Variants in EYA4 observed in about 807,000 individuals in gnomAD.
EYA4 encodes the protein EYA transcriptional coactivator and phosphatase 4.
In EYA4, 31 loss-of-function variants were observed where a neutral mutation model predicts 87.9. The observed-to-expected ratio is 0.35, with a 90% CI of 0.27 to 0.48. The LOEUF (loss-of-function observed/expected upper bound fraction) is 0.48, where lower values mean the gene tolerates loss of function less well. Ranked by LOEUF, EYA4 falls within the 20% of genes least tolerant of loss-of-function variation. The pLI is 0.99. For synonymous variants in EYA4, 263 were observed against 270.6 expected, an observed-to-expected ratio of 0.97 and a Z score of 0.28; for missense variants, 678 against 761.4, an observed-to-expected ratio of 0.89 and a Z score of 1.29.
chr6:133,388,881 T>A (rs968283995), intron 3 of EYA4, among the ~76,000 whole-genome samples: 1 of 152,188 alleles, frequency 6.6e-6, no homozygotes, highest in African/African-American at 2.4e-5. Flanking sequence ...TCATGTATAA[T>A]CTCTGTTTAC....
At chr6:133,327,647 A>G (rs979203981) in intron 2 of EYA4, among the ~76,000 whole-genome samples, 58 of 152,346 alleles carry the variant, frequency 3.8e-4, no homozygotes, top group African/African-American at 1.4e-3. Context: ...GTCTTTTACC[A>G]TCCTAGAGTC....
At chr6:133,346,101 G>A (rs183634184) in intron 2 of EYA4, among the ~76,000 whole-genome samples, 1 of 152,320 alleles carries the variant, frequency 6.6e-6, no homozygotes, top group Admixed American at 6.5e-5. Flanking sequence ...TAGGGATCCT[G>A]AAGGAAAACT....
intron 1 of EYA4, among the ~76,000 whole-genome samples, chr6:133,272,280 C>T (rs373289366): frequency 1.0e-3 from 153 of 152,274 alleles, no homozygotes; most frequent in African/African-American, 3.2e-3. Flanking sequence ...AGGGAACTCC[C>T]GATGAGGGCA....
At chr6:133,370,663 C>T (rs964225137) in intron 2 of EYA4, among the ~76,000 whole-genome samples, 4 of 152,086 alleles carry the variant, frequency 2.6e-5, no homozygotes, top group African/African-American at 9.7e-5. Context: ...TTTGTTTTCC[C>T]CTAATAGTAC....
At chr6:133,404,513 T>A (rs946187947) in intron 3 of EYA4, among the ~76,000 whole-genome samples, 1 of 152,206 alleles carries the variant, frequency 6.6e-6, no homozygotes, top group Non-Finnish European at 1.5e-5. Context: ...ATTACAAATT[T>A]ACTACATTGG....
At chr6:133,500,213 C>T (rs1247126555) in intron 13 of EYA4, among the ~76,000 whole-genome samples, 1 of 151,842 alleles carries the variant, frequency 6.6e-6, no homozygotes, top group African/African-American at 2.4e-5. Context: ...CGTGGACCCA[C>T]CTCAGATAAT....
chr6:133,453,690 A>G (rs1006583562), intron 5 of EYA4: 1 of 152,122 alleles, frequency 6.6e-6, no homozygotes, highest in South Asian at 2.1e-4. Flanking sequence ...TTTTATTTCT[A>G]CTTTTCCATT....
chr6:133,357,298 C>T (rs1186004913), intron 2 of EYA4, among the ~76,000 whole-genome samples: 3 of 131,964 alleles, frequency 2.3e-5, no homozygotes, highest in Non-Finnish European at 4.7e-5. Flanking sequence ...AAAAAAAGAG[C>T]AGAAAAAACT....
intron 1 of EYA4, among the ~76,000 whole-genome samples, chr6:133,263,491 G>A (rs1451658377): frequency 6.6e-6 from 1 of 152,080 alleles, no homozygotes; most frequent in African/African-American, 2.4e-5. Flanking sequence ...ATATCCTAGG[G>A]GTTTTGCCAC....
chr6:133,509,384 C>G (rs1466903953), intron 14 of EYA4, among the ~76,000 whole-genome samples: 2 of 149,176 alleles, frequency 1.3e-5, no homozygotes, highest in Non-Finnish European at 3.0e-5. Context: ...TATTTAAGCT[C>G]TCAGGGTGCT....
At chr6:133,314,886 C>G (rs1307781769) in intron 2 of EYA4, among the ~76,000 whole-genome samples, 1 of 152,180 alleles carries the variant, frequency 6.6e-6, no homozygotes, top group Non-Finnish European at 1.5e-5. Flanking sequence ...AAATTTCTAG[C>G]TGAAATTGGA....
At chr6:133,382,829 T>G (rs2128481378) in intron 3 of EYA4, among the ~76,000 whole-genome samples, 1 of 152,236 alleles carries the variant, frequency 6.6e-6, no homozygotes, top group East Asian at 1.9e-4. Flanking sequence ...TTTCTTTTTC[T>G]TTGCAGTGAA....
At chr6:133,522,022 G>A (rs1166054775) in intron 17 of EYA4, among the ~76,000 whole-genome samples, 1 of 134,484 alleles carries the variant, frequency 7.4e-6, no homozygotes, top group Non-Finnish European at 1.6e-5. Flanking sequence ...GCTAGATGAC[G>A]AGTTAGTGGG....
chr6:133,357,202 C>T lies in EYA4; in HGVS notation c.34-25190C>T, dbSNP rs1328501726. On this transcript the variant is annotated intron_variant, in intron 2 of 19. Coordinates refer to ENST00000355286, the MANE Select transcript of EYA4 (RefSeq NM_004100.5). ...AGGAGAATGGCGTGAACCCGGGAGG[C>T]GGAGCTTGCAGTGAGCCGAGATCCC... is the stretch of plus-strand genomic sequence containing the variant. Among the ~76,000 whole-genome samples the T allele has an allele frequency of 4.5e-5, 6 of 133,098 alleles. No individual in the cohort carries two copies. In the South Asian group the frequency reaches 1.5e-3, roughly 33 times the overall value. The allele number at this position is 133,098 out of a possible 152,430, so 87.3% of individuals were successfully genotyped here.
At chr6:133,344,604 G>A (rs944101543) in intron 2 of EYA4, among the ~76,000 whole-genome samples, 6 of 151,924 alleles carry the variant, frequency 3.9e-5, no homozygotes, top group African/African-American at 1.5e-4. Flanking sequence ...GACAAAGTTG[G>A]TATTTTTAAA....
chr6:133,466,644 C>T (rs1429458995), intron 10 of EYA4, among the ~76,000 whole-genome samples: 1 of 151,994 alleles, frequency 6.6e-6, no homozygotes, highest in Admixed American at 6.6e-5. Flanking sequence ...TAAGGCTTCT[C>T]TATGGAAACC....
chr6:133,342,574 C>CATAT (rs56987430), intron 2 of EYA4, among the ~76,000 whole-genome samples: 1,051 of 100,402 alleles, frequency 0.01, 25 homozygotes, highest in African/African-American at 0.021. Context: ...TACACACTGC[C>CATAT]ATATATATAT....
intron 11 of EYA4, among the ~76,000 whole-genome samples, chr6:133,477,237 C>A (rs1487918376): frequency 6.6e-6 from 1 of 152,084 alleles, no homozygotes; most frequent in Admixed American, 6.6e-5. Flanking sequence ...CCCCCACCAG[C>A]AGTGTGCAAG....
intron 2 of EYA4, among the ~76,000 whole-genome samples, chr6:133,362,498 C>A (rs1252371802): frequency 6.6e-6 from 1 of 152,136 alleles, no homozygotes; most frequent in Non-Finnish European, 1.5e-5. Flanking sequence ...AGTGATAGAA[C>A]ATGAGATGTT....
Sources: allele counts gnomAD v4.1 joint callset (sites outside exome capture counted in the v4.1 genomes callset), GRCh38; gene constraint gnomAD v4.1.1; transcripts MANE v1.5; gene names NCBI Gene and HGNC (gene_info 2026-07-23, HGNC 2026-07-21).